The following GRIK2 variants were observed in gnomAD, a reference collection of about 807,000 sequenced individuals.
GRIK2 encodes the protein glutamate ionotropic receptor kainate type subunit 2.
In GRIK2, 32 loss-of-function variants were observed where a neutral mutation model predicts 100.3. The observed-to-expected ratio is 0.32, with a 90% CI of 0.24 to 0.43. The LOEUF (loss-of-function observed/expected upper bound fraction) is 0.43. GRIK2 is among the 20% of genes least tolerant of loss of function. The pLI is 1.00. For missense variants in GRIK2, 843 were observed against 1,114.9 expected (o/e 0.76, Z 3.47); for synonymous variants, 417 against 389.4 (o/e 1.07, Z -0.83).
intron 2 of GRIK2, among the ~76,000 whole-genome samples, chr6:101,564,693 ACTT>A (rs1299923402): frequency 2.0e-5 from 3 of 152,068 alleles, no homozygotes; most frequent in Non-Finnish European, 2.9e-5. Context: ...CACCAGATTA[ACTT>A]CTTCATCATA....
At chr6:102,057,039 C>T (rs1410960849) in intron 16 of GRIK2, among the ~76,000 whole-genome samples, 2 of 151,690 alleles carry the variant, frequency 1.3e-5, no homozygotes, top group African/African-American at 4.8e-5. Context: ...TTTAAAGTGT[C>T]AAAATGAACT....
At chr6:101,500,035 A>G (rs1582588063) in intron 2 of GRIK2, among the ~76,000 whole-genome samples, 1 of 152,154 alleles carries the variant, frequency 6.6e-6, no homozygotes, top group East Asian at 1.9e-4. Flanking sequence ...TGGCTCTTGG[A>G]TTTGCTGTAA....
chr6:101,627,801 G>T (rs1385078884), intron 4 of GRIK2, among the ~76,000 whole-genome samples: 1 of 152,028 alleles, frequency 6.6e-6, no homozygotes, highest in African/African-American at 2.4e-5. Flanking sequence ...CTAACTACAG[G>T]TTGTCTGCTT....
chr6:101,723,540 T>C (rs1312790158), intron 7 of GRIK2, among the ~76,000 whole-genome samples: 3 of 152,080 alleles, frequency 2.0e-5, no homozygotes, highest in Non-Finnish European at 4.4e-5. Context: ...CCTCCATGGC[T>C]GTAAGATACA....
intron 15 of GRIK2, among the ~76,000 whole-genome samples, chr6:102,043,542 C>CA (rs1770711822): frequency 6.6e-6 from 1 of 151,860 alleles, no homozygotes; most frequent in Admixed American, 6.6e-5. Context: ...TTTCATTTAG[C>CA]ATAATATTCT....
Position 101,395,941 on chromosome 6 carries a change from T to C in GRIK2, c.-294+2104T>C, listed in dbSNP as rs1054639765. 1.3e-4 allele frequency among the ~76,000 whole-genome samples: 20 copies of C among 152,284 alleles called. No homozygotes were observed. The South Asian group carries it at 2.9e-3, about 22-fold the overall frequency. On this transcript the variant is annotated intron_variant, in intron 1 of 16. Transcript: ENST00000369134. The stretch of plus-strand genomic sequence containing the variant: ...TAAAATGAGGAAAAAAATGAGACCA[T>C]AGAATAAAATATATAAATCTTACTA...
intron 10 of GRIK2, among the ~76,000 whole-genome samples, chr6:101,855,286 C>G (rs1326408791): frequency 6.6e-6 from 1 of 152,116 alleles, no homozygotes; most frequent in Non-Finnish European, 1.5e-5. Flanking sequence ...TTCCTCTATA[C>G]TCATGGGTTT....
chr6:101,697,539 G>GA (rs2128350220), intron 7 of GRIK2, among the ~76,000 whole-genome samples: 1 of 152,046 alleles, frequency 6.6e-6, no homozygotes, highest in South Asian at 2.1e-4. Flanking sequence ...AGAAGTTTAT[G>GA]AAAATGATAT....
intron 2 of GRIK2, among the ~76,000 whole-genome samples, chr6:101,564,230 G>A (rs1048262379): frequency 1.3e-5 from 2 of 152,000 alleles, no homozygotes; most frequent in Non-Finnish European, 2.9e-5. Flanking sequence ...ACAATACTGC[G>A]TCCACTAACA....
intron 14 of GRIK2, among the ~76,000 whole-genome samples, chr6:101,977,319 TAGAAGAGCCAAG>T (rs1348655235): frequency 6.6e-6 from 1 of 151,742 alleles, no homozygotes; most frequent in Non-Finnish European, 1.5e-5. Context: ...AAGATGGAAT[TAGAAGAGCCAAG>T]ATTTATTGGG....
At chr6:101,616,490 T>C (rs1193512472) in intron 2 of GRIK2, among the ~76,000 whole-genome samples, 1 of 151,792 alleles carries the variant, frequency 6.6e-6, no homozygotes, top group East Asian at 1.9e-4. Context: ...TATAGAATAA[T>C]TTTAAAATGG....
chr6:102,045,191 G>C (rs1770817955), intron 15 of GRIK2, among the ~76,000 whole-genome samples: 1 of 151,908 alleles, frequency 6.6e-6, no homozygotes, highest in Admixed American at 6.6e-5. Flanking sequence ...GTGTAACAAA[G>C]ACTACATAAA....
intron 14 of GRIK2, among the ~76,000 whole-genome samples, chr6:102,006,748 G>A (rs1364955980): frequency 6.6e-6 from 1 of 151,660 alleles, no homozygotes; most frequent in Non-Finnish European, 1.5e-5. Flanking sequence ...TTCATGGCAT[G>A]TTTATGGAAT....
At chr6:101,576,261 C>T (rs1777782808) in intron 2 of GRIK2, among the ~76,000 whole-genome samples, 1 of 151,942 alleles carries the variant, frequency 6.6e-6, no homozygotes, top group South Asian at 2.1e-4. Context: ...AAGGAAGTCA[C>T]TATTTCCAAG....
intron 14 of GRIK2, among the ~76,000 whole-genome samples, chr6:101,929,217 A>T (rs1291850217): frequency 6.6e-6 from 1 of 152,130 alleles, no homozygotes; most frequent in Non-Finnish European, 1.5e-5. Context: ...TGTGCTTGTA[A>T]AAAGTTTCTG....
chr6:101,789,039 C>T (rs1033977089), intron 7 of GRIK2, among the ~76,000 whole-genome samples: 4 of 152,000 alleles, frequency 2.6e-5, no homozygotes, highest in African/African-American at 9.7e-5. Flanking sequence ...TATCCTTCGC[C>T]CACTTTTTGA....
chr6:101,542,555 A>G (rs1056718375), intron 2 of GRIK2, among the ~76,000 whole-genome samples: 5 of 152,172 alleles, frequency 3.3e-5, no homozygotes, highest in African/African-American at 9.6e-5. Flanking sequence ...TAAAAATTGC[A>G]TCAGCAAATA....
intron 2 of GRIK2, among the ~76,000 whole-genome samples, chr6:101,495,487 T>G (rs934612925): frequency 6.6e-6 from 1 of 151,954 alleles, no homozygotes; most frequent in Non-Finnish European, 1.5e-5. Context: ...GCCTGGGAGA[T>G]AGAGCAAGAC....
At chr6:102,062,074 G>T (rs1771781333) in intron 16 of GRIK2, among the ~76,000 whole-genome samples, 1 of 149,406 alleles carries the variant, frequency 6.7e-6, no homozygotes, top group Admixed American at 6.7e-5. Flanking sequence ...AGTGTATAAT[G>T]ATCCTCAATT....
Sources: allele counts gnomAD v4.1 joint callset (sites outside exome capture counted in the v4.1 genomes callset), GRCh38; gene constraint gnomAD v4.1.1; transcripts MANE v1.5; gene names NCBI Gene and HGNC (gene_info 2026-07-23, HGNC 2026-07-21).